Variants in TECPR2 observed in about 807,000 individuals in gnomAD.
TECPR2 encodes tectonin beta-propeller repeat containing 2.
Under a neutral mutation model 138.1 loss-of-function variants are expected in TECPR2, and 65 were observed. That is an observed-to-expected ratio of 0.47 (90% CI 0.39 to 0.58). The LOEUF (loss-of-function observed/expected upper bound fraction) is 0.58. Among genes scored for constraint, TECPR2 ranks in the 20% least tolerant of loss-of-function variants. The probability of loss-of-function intolerance (pLI) is 0.00; values close to 1 mark genes in which losing one functional copy is unlikely to be tolerated. For synonymous variants in TECPR2, 746 were observed against 749.8 expected (o/e 0.99, Z 0.08); for missense variants, 1,553 against 1,824.5 (o/e 0.85, Z 2.71).
intron 5 of TECPR2, among the ~76,000 whole-genome samples, chr14:102,421,241 T>G (rs1181908515): frequency 6.6e-6 from 1 of 152,194 alleles, no homozygotes; most frequent in African/African-American, 2.4e-5. Context: ...TGGGCTCCCT[T>G]GCTGGAATTC....
chr14:102,414,451 T>G (rs1020688664), intron 4 of TECPR2, among the ~76,000 whole-genome samples, 185 bp from the exon 5 acceptor site: 1 of 152,246 alleles, frequency 6.6e-6, no homozygotes, highest in African/African-American at 2.4e-5. Flanking sequence ...TGGACTCTTT[T>G]CCCATCCGTC....
chr14:102,457,449 A>G (rs1446517029), intron 16 of TECPR2, among the ~76,000 whole-genome samples: 3 of 152,204 alleles, frequency 2.0e-5, no homozygotes, highest in Non-Finnish European at 4.4e-5. Context: ...CTGTCTGCCC[A>G]GGAGCCCGTG....
intron 16 of TECPR2, among the ~76,000 whole-genome samples, chr14:102,459,283 ACT>A (rs1381795782): frequency 2.6e-5 from 4 of 152,030 alleles, no homozygotes; most frequent in Non-Finnish European, 4.4e-5. Flanking sequence ...TTTCTGAGTA[ACT>A]CTGGGATGTG....
chr14:102,407,330 T>C lies in TECPR2; in HGVS notation c.220-8T>C. ...TTACAGATTCATTTGTTTTCAACGT[T>C]TCCCCAGGGGAAGACGGAATCTATC... On this transcript the variant is annotated splice_polypyrimidine_tract_variant and splice_region_variant and intron_variant, in intron 2 of 19. Coordinates refer to ENST00000359520, the MANE Select transcript of TECPR2 (RefSeq NM_014844.5). 2 of 1,589,450 alleles carry C rather than the reference T, an allele frequency of 1.3e-6. No individual in the cohort carries two copies. Among genetic ancestry groups the C allele is most frequent in the Non-Finnish European group, 1.7e-6 (2 of 1,170,492 alleles).
At chr14:102,382,353 C>T (rs1225604545) in intron 2 of TECPR2, among the ~76,000 whole-genome samples, 4 of 151,590 alleles carry the variant, frequency 2.6e-5, no homozygotes, top group Non-Finnish European at 4.4e-5. Flanking sequence ...TTCTTCTGTG[C>T]AAAGAAATAA....
At chr14:102,480,931 G>T (rs186514991) in intron 17 of TECPR2, among the ~76,000 whole-genome samples, 12 of 123,942 alleles carry the variant, frequency 9.7e-5, no homozygotes, top group African/African-American at 3.7e-4. Context: ...TGCAACCTCC[G>T]CCTCTTGGGT....
chr14:102,499,246 T>C lies in TECPR2; in HGVS notation c.*989T>C. 1 of 674,086 alleles carries C rather than the reference T, an allele frequency of 1.5e-6. No individual in the cohort carries two copies. Among genetic ancestry groups the C allele is most frequent in the Middle Eastern group, 2.4e-4 (1 of 4,254 alleles). The allele number at this position is 674,086 out of a possible 1,614,324, so 41.8% of individuals were successfully genotyped here. On this transcript the variant is annotated 3_prime_UTR_variant, in exon 20 of 20. Transcript: ENST00000359520. ...TCACTTAGAAATGTCTTTGGAATGG[T>C]GTTTAACTAATGCTGCTGGCGGACA...
intron 7 of TECPR2, among the ~76,000 whole-genome samples, chr14:102,430,229 C>A (rs1442112800): frequency 6.6e-5 from 10 of 152,206 alleles, no homozygotes; most frequent in African/African-American, 2.2e-4. Flanking sequence ...CCACCTTAGC[C>A]TCCCAAAGTG....
At position 102,389,484 on chromosome 14, in the gene TECPR2, T is replaced by C. The variant is rs544259785; in HGVS notation, c.219+12544T>C. ...TTTAGTAATTAAGGGAGTGTGGTAT[T>C]AGCACAAGAAAAGATACATAGATCA... On this transcript the variant is annotated intron_variant, in intron 2 of 19. Coordinates refer to ENST00000359520, the MANE Select transcript of TECPR2 (RefSeq NM_014844.5). Among the ~76,000 whole-genome samples the C allele has an allele frequency of 2.6e-5, 4 of 152,308 alleles. No individual in the cohort carries two copies. In the East Asian group the frequency reaches 7.7e-4, roughly 29 times the overall value.
At chr14:102,450,242 G>A (rs1890105056) in intron 14 of TECPR2, among the ~76,000 whole-genome samples, 1 of 152,194 alleles carries the variant, frequency 6.6e-6, no homozygotes, top group South Asian at 2.1e-4. Flanking sequence ...GGAAATGCAA[G>A]GCTCTGGCCA....
At chr14:102,451,344 AGGG>A (rs1437897505) in intron 15 of TECPR2, among the ~76,000 whole-genome samples, 1 of 152,224 alleles carries the variant, frequency 6.6e-6, no homozygotes, top group African/African-American at 2.4e-5. Flanking sequence ...TGTGGTGAAG[AGGG>A]AATCGTTTGC....
At chr14:102,459,743 G>C (rs1208503186) in intron 16 of TECPR2, among the ~76,000 whole-genome samples, 2 of 151,994 alleles carry the variant, frequency 1.3e-5, no homozygotes, top group African/African-American at 2.4e-5. Context: ...CCTGGGAACA[G>C]AGCGAGACTC....
chr14:102,378,243 T>C (rs1030501332), intron 2 of TECPR2, among the ~76,000 whole-genome samples: 1 of 152,212 alleles, frequency 6.6e-6, no homozygotes, highest in Non-Finnish European at 1.5e-5. Flanking sequence ...TTACAAATAC[T>C]TGTGTTTTAA....
chr14:102,448,929 G>A (rs568516512), intron 13 of TECPR2, among the ~76,000 whole-genome samples: 12 of 151,950 alleles, frequency 7.9e-5, no homozygotes, highest in Middle Eastern at 3.4e-3. Context: ...ATGTTTCTAA[G>A]TACCGTATAC....
intron 18 of TECPR2, 43 bp downstream of exon 18, chr14:102,497,163 G>A (rs766643272): frequency 6.3e-7 from 1 of 1,592,000 alleles, no homozygotes; most frequent in Non-Finnish European, 8.5e-7. Flanking sequence ...GCCAGCCGGG[G>A]CTACCATCAC....
chr14:102,388,806 A>C (rs1888089715), intron 2 of TECPR2, among the ~76,000 whole-genome samples: 1 of 152,128 alleles, frequency 6.6e-6, no homozygotes, highest in South Asian at 2.1e-4. Flanking sequence ...CTAAAAATAT[A>C]AAAAATTAGC....
rs76494074 is a variant in TECPR2 at position 102,451,569 on chromosome 14, C to T, written c.3407-825C>T. The stretch of plus-strand genomic sequence containing the variant: ...CCTTGGTTGATCTGTTGGCTGTGAC[C>T]GCATCCATGTTGCAGGGATGTTACC... On this transcript the variant is annotated intron_variant, in intron 15 of 19. Transcript: ENST00000359520. 7.5e-4 allele frequency among the ~76,000 whole-genome samples: 114 copies of T among 152,144 alleles called. 4 individuals are homozygous for T. In the East Asian group the frequency reaches 0.018, roughly 24 times the overall value.
At chr14:102,384,189 GATT>G (rs1329199815) in intron 2 of TECPR2, among the ~76,000 whole-genome samples, 1 of 152,004 alleles carries the variant, frequency 6.6e-6, no homozygotes, top group Non-Finnish European at 1.5e-5. Context: ...AAAGTGCTGG[GATT>G]ACGGGTGTGA....
intron 16 of TECPR2, among the ~76,000 whole-genome samples, chr14:102,463,651 T>C (rs1390282751): frequency 6.6e-6 from 1 of 151,648 alleles, no homozygotes; most frequent in Non-Finnish European, 1.5e-5. Context: ...GGGACAGGCG[T>C]AGTGGCTCAC....
Sources: gnomAD v4.1 joint callset for allele counts (sites outside exome capture counted in the v4.1 genomes callset) on GRCh38, gnomAD v4.1.1 for gene constraint, MANE v1.5 for transcripts, NCBI Gene and HGNC (gene_info 2026-07-23, HGNC 2026-07-21) for gene names.